KCTD15: variants seen among roughly 807,000 people sequenced by gnomAD.
KCTD15 encodes BTB/POZ domain-containing protein KCTD15.
A neutral mutation model predicts 27.2 loss-of-function variants in KCTD15; 11 were observed. The observed-to-expected ratio is 0.41, with a 90% CI of 0.25 to 0.67. The LOEUF (loss-of-function observed/expected upper bound fraction) is 0.67, where lower values mean the gene tolerates loss of function less well. KCTD15 is among the 30% of genes least tolerant of loss of function. The pLI is 0.35. For synonymous variants in KCTD15, 163 were observed against 176.0 expected, an observed-to-expected ratio of 0.93 and a Z score of 0.58; for missense variants, 350 against 409.3, an observed-to-expected ratio of 0.86 and a Z score of 1.25.
chr19:33,805,125 G>A (rs968909297), intron 4 of KCTD15, among the ~76,000 whole-genome samples: 8 of 152,182 alleles, frequency 5.3e-5, no homozygotes, highest in Admixed American at 2.0e-4. Context: ...GTCTTGCTGC[G>A]TTGCCTAGGC....
rs563866795 is a variant in KCTD15 at position 33,796,898 on chromosome 19, G to T, written c.-216G>T. On this transcript the variant is annotated 5_prime_UTR_variant, in exon 1 of 7. Coordinates refer to ENST00000683859, the MANE Select transcript of KCTD15 (RefSeq NM_001129994.2). ...ACGAGACCGGAGCGACCCGCGCAGC[G>T]AGCATAGGCGGCGAAGCTGCGCCCG... 6.6e-6 allele frequency: 1 copy of T among 151,948 alleles called. No homozygotes were observed. Among genetic ancestry groups the T allele is most frequent in the Non-Finnish European group, 1.5e-5 (1 of 67,992 alleles). 9.4% of individuals were successfully genotyped at this position (151,948 alleles called of 1,614,324 possible). A position where few individuals can be genotyped will look rare whatever the true frequency, so the allele number is the denominator to read the frequency against.
chr19:33,803,985 T>C (rs2145455080), intron 4 of KCTD15, among the ~76,000 whole-genome samples: 1 of 152,264 alleles, frequency 6.6e-6, no homozygotes, highest in African/African-American at 2.4e-5. Flanking sequence ...CCTCATTCCA[T>C]GGAGGACTTC....
At chr19:33,812,537 A>T in intron 6 of KCTD15, 1 of 1,254,390 alleles carries the variant, frequency 8.0e-7, no homozygotes, top group Non-Finnish European at 1.0e-6. Flanking sequence ...GGGCAGCAGG[A>T]TGGTGGCCTG....
In KCTD15 at chr19:33,813,518, T is replaced by C; in HGVS notation, c.*570T>C. ...ATTCAGGCCCAGATGCCTGCAGGGC[T>C]GGGGCTCTCGGGACAGATGCAGGGA... On this transcript the variant is annotated 3_prime_UTR_variant, in exon 7 of 7. Coordinates refer to ENST00000683859, the MANE Select transcript of KCTD15 (RefSeq NM_001129994.2). 2.4e-6 allele frequency: 1 copy of C among 410,846 alleles called. No individual in the cohort carries two copies. The allele number at this position is 410,846 out of a possible 1,614,324, so 25.5% of individuals were successfully genotyped here.
chr19:33,800,331 G>T, intron 2 of KCTD15, 97 bp from the exon 3 acceptor site: 1 of 988,446 alleles, frequency 1.0e-6, no homozygotes, highest in Non-Finnish European at 1.6e-6. Flanking sequence ...CAGGGTCTCA[G>T]AGAGCATGCA....
At chr19:33,800,151 C>T (rs1975478796) in intron 2 of KCTD15, among the ~76,000 whole-genome samples, 1 of 152,056 alleles carries the variant, frequency 6.6e-6, no homozygotes, top group Admixed American at 6.6e-5. Context: ...TGTCATTAGC[C>T]GAATTAGCAG....
chr19:33,800,860 A>T (rs1975513733), intron 3 of KCTD15, among the ~76,000 whole-genome samples: 1 of 152,154 alleles, frequency 6.6e-6, no homozygotes, highest in African/African-American at 2.4e-5. Flanking sequence ...ACGACCTTTA[A>T]TTAGAATTTT....
At chr19:33,802,618 G>A (rs1267177802) in intron 4 of KCTD15, among the ~76,000 whole-genome samples, 1 of 152,174 alleles carries the variant, frequency 6.6e-6, no homozygotes, top group East Asian at 1.9e-4. Flanking sequence ...CTTGGGGCTT[G>A]TGGGGTGGGG....
At chr19:33,803,436 GGT>G (rs1975623249) in intron 4 of KCTD15, among the ~76,000 whole-genome samples, 1 of 152,214 alleles carries the variant, frequency 6.6e-6, no homozygotes, top group African/African-American at 2.4e-5. Context: ...AGAGTGCTGT[GGT>G]CCTCAGGGGG....
intron 5 of KCTD15, 92 bp downstream of exon 5, chr19:33,807,099 A>C (rs1017813311): frequency 1.9e-5 from 27 of 1,413,776 alleles, no homozygotes; most frequent in African/African-American, 2.9e-5. Context: ...CCTGGTTGTC[A>C]TGGTAACCAT....
rs1228456307 is a variant in KCTD15 at position 33,800,469 on chromosome 19, G to T, written c.15G>T (p.Lys5Asn). 5 of 1,605,786 alleles carry T rather than the reference G, an allele frequency of 3.1e-6. No homozygotes were observed. Among genetic ancestry groups the T allele is most frequent in the Non-Finnish European group, 4.2e-6 (5 of 1,177,310 alleles). Reference sequence around the variant, plus strand: ...TGGAAGCCTAGATGCCTCACCGCAAGGAGCGGCCGAGCGGGTCCTCGCTTC... The same window carrying T: ...TGGAAGCCTAGATGCCTCACCGCAATGAGCGGCCGAGCGGGTCCTCGCTTC... MPHR[K>N]ERPSGSSLHT... The change falls in exon 3 of 7, where the codon AAG (lysine) becomes AAT (asparagine). Residue 5 changes from lysine to asparagine, a missense_variant. By Grantham distance (94) the Lys-to-Asn change is moderately conservative. This residue lies in a region of KCTD15 where 77 missense variants were observed against 72.7 expected (regional missense o/e 1.06). Coordinates refer to ENST00000683859, the MANE Select transcript of KCTD15 (RefSeq NM_001129994.2).
Position 33,806,952 on chromosome 19 carries a change from G to A in KCTD15, c.332G>A (p.Arg111His), listed in dbSNP as rs781570250. ...YFIDRDGEIF[R>H]YVLSFLRTSK... Reference sequence around the variant, plus strand: ...ATTGACCGGGATGGGGAGATTTTCCGCTACGTCCTGAGCTTCCTGCGGACG... The same window carrying A: ...ATTGACCGGGATGGGGAGATTTTCCACTACGTCCTGAGCTTCCTGCGGACG... Residue 111 changes from arginine to histidine, a missense_variant, in exon 5 of 7, where the codon CGC becomes CAC. Arg to His is a conservative substitution (Grantham distance 29). Transcript: ENST00000683859. 7.4e-6 allele frequency: 12 copies of A among 1,614,126 alleles called. No individual in the cohort carries two copies. The highest frequency in any genetic ancestry group is 1.7e-4 in the Middle Eastern group (1 of 6,058).
Position 33,800,511 on chromosome 19 carries a change from C to T in KCTD15, c.57C>T (p.Thr19=), listed in dbSNP as rs138417426. The T allele has an allele frequency of 3.0e-4, 486 of 1,596,224 alleles. No homozygotes were observed. Among genetic ancestry groups the T allele is most frequent in the Non-Finnish European group, 3.8e-4 (448 of 1,172,716 alleles). ...SGSSLHTHGS[T]GTAEGGNMSR... is the part of the protein sequence containing the mutation. ...CCTCGCTTCACACACACGGCAGCACCGGCACCGCGGTGAGCCTGCAGGGTG... is the reference window on the plus strand; with the variant it reads ...CCTCGCTTCACACACACGGCAGCACTGGCACCGCGGTGAGCCTGCAGGGTG... Residue 19 remains threonine (T), a synonymous_variant, in exon 3 of 7, where the codon ACC becomes ACT. Coordinates refer to ENST00000683859, the MANE Select transcript of KCTD15 (RefSeq NM_001129994.2).
In KCTD15 at chr19:33,801,122, G is replaced by A. The variant is rs1168307431; in HGVS notation, c.67-45G>A. 2.0e-6 allele frequency: 3 copies of A among 1,534,636 alleles called. No individual in the cohort carries two copies. The African/African-American group carries it at 4.1e-5, about 21-fold the overall frequency. On this transcript the variant is annotated intron_variant, in intron 3 of 6. Coordinates refer to ENST00000683859, the MANE Select transcript of KCTD15 (RefSeq NM_001129994.2). Reference sequence around the variant, plus strand: ...GGCTGTGTTGTGGAGAAACTCTTGTGTTCCGCTTTGAAACTCTTGTGTTCC... The same window carrying A: ...GGCTGTGTTGTGGAGAAACTCTTGTATTCCGCTTTGAAACTCTTGTGTTCC...
At chr19:33,802,637 C>T (rs1480344135) in intron 4 of KCTD15, among the ~76,000 whole-genome samples, 1 of 151,972 alleles carries the variant, frequency 6.6e-6, no homozygotes, top group Admixed American at 6.5e-5. Flanking sequence ...GGACAAGAGC[C>T]ACGGGGCCAG....
upstream of KCTD15, among the ~76,000 whole-genome samples, chr19:33,795,313 G>A (rs935484879): frequency 8.5e-5 from 13 of 152,286 alleles, no homozygotes; most frequent in African/African-American, 3.1e-4. Context: ...TTACGGAAGC[G>A]CTGTCTGGAC....
intron 1 of KCTD15, 164 bp from the exon 2 acceptor site, chr19:33,798,504 A>G (rs1975428953): frequency 6.6e-6 from 1 of 152,248 alleles, no homozygotes; most frequent in South Asian, 2.1e-4. Context: ...GCGGGTCACT[A>G]CCGGGCCAGT....
intron 5 of KCTD15, among the ~76,000 whole-genome samples, chr19:33,810,040 A>G (rs1339048565): frequency 6.6e-6 from 1 of 152,188 alleles, no homozygotes; most frequent in Non-Finnish European, 1.5e-5. Context: ...GGCGGCCAGC[A>G]GGTGGAAGGG....
At chr19:33,804,873 C>T (rs1167471196) in intron 4 of KCTD15, among the ~76,000 whole-genome samples, 1 of 152,180 alleles carries the variant, frequency 6.6e-6, no homozygotes, top group East Asian at 1.9e-4. Context: ...TCCACAGACT[C>T]GGGCTCACAG....
Sources: allele counts gnomAD v4.1 joint callset (sites outside exome capture counted in the v4.1 genomes callset), GRCh38; gene constraint gnomAD v4.1.1; regional missense constraint gnomAD v4.1.1; transcripts MANE v1.5; gene names NCBI Gene and HGNC (gene_info 2026-07-23, HGNC 2026-07-21).